The following FGD4 variants were observed in gnomAD, a reference collection of about 807,000 sequenced individuals.
FGD4 encodes the protein FYVE, RhoGEF and PH domain-containing protein 4.
Under a neutral mutation model 102.0 loss-of-function variants are expected in FGD4, and 42 were observed. That is an observed-to-expected ratio of 0.41 (90% CI 0.32 to 0.53). FGD4 has a LOEUF of 0.53. Among genes scored for constraint, FGD4 ranks in the 20% least tolerant of loss-of-function variants. FGD4 has a pLI of 0.21. For synonymous variants in FGD4, 380 were observed against 375.7 expected (o/e 1.01, Z -0.13); for missense variants, 902 against 1,078.2 (o/e 0.84, Z 2.29).
At chr12:32,480,648 G>A (rs553975593) in intron 1 of FGD4, among the ~76,000 whole-genome samples, 8 of 151,216 alleles carry the variant, frequency 5.3e-5, no homozygotes, top group South Asian at 2.1e-4. Context: ...TTACAGGCAC[G>A]CACCACCATG....
intron 1 of FGD4, among the ~76,000 whole-genome samples, chr12:32,424,495 A>T (rs1483398687): frequency 6.6e-6 from 1 of 152,110 alleles, no homozygotes; most frequent in Non-Finnish European, 1.5e-5. Context: ...GTTGGTTCCA[A>T]GTCTTTGCTA....
chr12:32,563,231 C>T (rs1391311543), intron 1 of FGD4, among the ~76,000 whole-genome samples: 2 of 150,878 alleles, frequency 1.3e-5, no homozygotes, highest in East Asian at 4.0e-4. Context: ...AGAGGGGCTC[C>T]TCACTTCTCA....
In FGD4 at chr12:32,399,897, C is replaced by T. The variant is rs1478549207; in HGVS notation, c.104C>T (p.Ala35Val). 4 of 1,529,424 alleles carry T rather than the reference C, an allele frequency of 2.6e-6. No individual in the cohort carries two copies. Among genetic ancestry groups the T allele is most frequent in the South Asian group, 1.2e-5 (1 of 83,742 alleles). 94.7% of individuals were successfully genotyped at this position (1,529,424 alleles called of 1,614,324 possible). A position where few individuals can be genotyped will look rare whatever the true frequency, so the allele number is the denominator to read the frequency against. Residue 35 changes from alanine (A) to valine (V), a missense_variant, in exon 1 of 17, where the codon GCG becomes GTG. Coordinates refer to ENST00000534526, the MANE Select transcript of FGD4 (RefSeq NM_001370298.3). ...GTGCCCCGGCCCTGGAGCAGGCCCG[C>T]GTCGCACCTGGGACGTGTAGGGACC... is the stretch of plus-strand genomic sequence containing the variant. ...PGVPRPWSRP[A>V]SHLGRVGTAA...
chr12:32,520,725 C>T (rs551124137), intron 1 of FGD4, among the ~76,000 whole-genome samples: 1 of 152,066 alleles, frequency 6.6e-6, no homozygotes, highest in Non-Finnish European at 1.5e-5. Context: ...CATGAGCCAC[C>T]GCGCCTGGCC....
rs182340656 is a variant in FGD4 at position 32,530,347 on chromosome 12, G to A, written c.167-33790G>A. On this transcript the variant is annotated intron_variant, in intron 1 of 16. Coordinates refer to ENST00000534526, the MANE Select transcript of FGD4 (RefSeq NM_001370298.3). ...AAAAAACGAAAATTAGCCAGGCCTG[G>A]TGGCACGTGTCTATAATTCCAGCTA... is the stretch of plus-strand genomic sequence containing the variant. 3.5e-3 allele frequency among the ~76,000 whole-genome samples: 532 copies of A among 152,152 alleles called. 3 individuals carry two copies. The highest frequency in any genetic ancestry group is 0.01 in the Middle Eastern group (3 of 294).
Position 32,638,110 on chromosome 12 carries a change from C to G in FGD4, c.2314-545C>G, listed in dbSNP as rs146240811. On this transcript the variant is annotated intron_variant, in intron 15 of 16. Transcript: ENST00000534526. ...GGCACAGTGACTCACCCCTGTAATC[C>G]CAGCACTTTGGGAGGCCAAGGTGGG... 1.3e-3 allele frequency among the ~76,000 whole-genome samples: 196 copies of G among 152,270 alleles called. 3 individuals are homozygous for G. The East Asian group carries it at 0.034, about 26-fold the overall frequency.
chr12:32,551,871 C>T (rs1214999692), intron 1 of FGD4, among the ~76,000 whole-genome samples: 1 of 152,128 alleles, frequency 6.6e-6, no homozygotes, highest in East Asian at 1.9e-4. Context: ...AAAATGTGAT[C>T]GTTTAAAAAT....
chr12:32,630,434 C>T (rs1451542538), intron 14 of FGD4, among the ~76,000 whole-genome samples: 2 of 152,054 alleles, frequency 1.3e-5, no homozygotes, highest in East Asian at 1.9e-4. Flanking sequence ...CCAGCACTTT[C>T]GGAGGGAGGT....
rs139275451 is a variant in FGD4 at position 32,608,630 on chromosome 12, A to G, written c.1543+535A>G. Among the ~76,000 whole-genome samples the G allele has an allele frequency of 1.8e-3, 267 of 152,360 alleles. 1 individual carries two copies. The highest frequency in any genetic ancestry group is 5.6e-3 in the African/African-American group (231 of 41,588). On this transcript the variant is annotated intron_variant, in intron 8 of 16. Transcript: ENST00000534526. ...AGATGTCTTATTTTTTCATCAGATT[A>G]TAATGAAAGGGGTTTTTTTAAAGGC... is the stretch of plus-strand genomic sequence containing the variant.
At chr12:32,523,171 GTA>G (rs1245541702) in intron 1 of FGD4, among the ~76,000 whole-genome samples, 1 of 152,210 alleles carries the variant, frequency 6.6e-6, no homozygotes, top group African/African-American at 2.4e-5. Flanking sequence ...AAGCAGTGGA[GTA>G]TCTATCATAG....
chr12:32,490,944 A>G (rs1649181232), intron 1 of FGD4, among the ~76,000 whole-genome samples: 1 of 152,102 alleles, frequency 6.6e-6, no homozygotes, highest in Non-Finnish European at 1.5e-5. Context: ...CAGTTCTTCC[A>G]CTGCAGTATC....
intron 1 of FGD4, among the ~76,000 whole-genome samples, chr12:32,560,491 A>G (rs559665576): frequency 1.3e-5 from 2 of 152,264 alleles, no homozygotes; most frequent in East Asian, 1.9e-4. Flanking sequence ...CCTGGGCTTA[A>G]GTGATCTGCC....
intron 1 of FGD4, among the ~76,000 whole-genome samples, chr12:32,401,067 G>C (rs1265645530): frequency 6.6e-6 from 1 of 152,180 alleles, no homozygotes; most frequent in African/African-American, 2.4e-5. Flanking sequence ...GAGGACACTA[G>C]TGTGAAACAG....
At chr12:32,418,103 C>A (rs1403154272) in intron 1 of FGD4, among the ~76,000 whole-genome samples, 2 of 151,816 alleles carry the variant, frequency 1.3e-5, no homozygotes, top group Non-Finnish European at 2.9e-5. Context: ...ACTACAGGCG[C>A]CCGCCACCAC....
chr12:32,635,278 A>G (rs1309584222), intron 15 of FGD4, among the ~76,000 whole-genome samples: 1 of 152,214 alleles, frequency 6.6e-6, no homozygotes, highest in Non-Finnish European at 1.5e-5. Flanking sequence ...AAGACTTAAT[A>G]GCGACAACTG....
intron 1 of FGD4, among the ~76,000 whole-genome samples, chr12:32,554,394 A>G (rs1306787855): frequency 6.6e-6 from 1 of 152,214 alleles, no homozygotes; most frequent in Non-Finnish European, 1.5e-5. Context: ...CAGAATTTAG[A>G]AAACATCTTT....
intron 4 of FGD4, among the ~76,000 whole-genome samples, chr12:32,587,180 ACTCT>A (rs1016884105): frequency 6.7e-5 from 8 of 119,488 alleles, no homozygotes; most frequent in African/African-American, 2.9e-4. Flanking sequence ...ACAGGGTGAG[ACTCT>A]CTCAAAAAAA....
chr12:32,459,446 A>G (rs927869951), intron 1 of FGD4, among the ~76,000 whole-genome samples: 1 of 151,076 alleles, frequency 6.6e-6, no homozygotes, highest in Non-Finnish European at 1.5e-5. Context: ...CACCACCTTG[A>G]CCTCCCAAAG....
chr12:32,461,020 A>G (rs1365478322), intron 1 of FGD4, among the ~76,000 whole-genome samples: 1 of 152,246 alleles, frequency 6.6e-6, no homozygotes, highest in Non-Finnish European at 1.5e-5. Flanking sequence ...ATTTTTTATA[A>G]GGATGTATTT....
Sources: gnomAD v4.1 joint callset for allele counts (sites outside exome capture counted in the v4.1 genomes callset) on GRCh38, gnomAD v4.1.1 for gene constraint, MANE v1.5 for transcripts, NCBI Gene and HGNC (gene_info 2026-07-23, HGNC 2026-07-21) for gene names.